The following ADARB2 variants were observed in gnomAD, a reference collection of about 807,000 sequenced individuals.
ADARB2 encodes adenosine deaminase RNA specific B2 (inactive), also known as inactive double-stranded RNA-specific editase B2.
ADARB2 carries 25 observed loss-of-function variants against 62.2 expected under a neutral mutation model. That is an observed-to-expected ratio of 0.40 (90% CI 0.29 to 0.56). The LOEUF (loss-of-function observed/expected upper bound fraction) is 0.56. Among genes scored for constraint, ADARB2 ranks in the 20% least tolerant of loss-of-function variants. ADARB2 has a pLI of 0.43. For missense variants in ADARB2, 1,071 were observed against 1,077.4 expected (o/e 0.99, Z 0.08); for synonymous variants, 572 against 500.8 (o/e 1.14, Z -1.90).
chr10:1,322,547 T>C (rs1042303499), intron 3 of ADARB2, among the ~76,000 whole-genome samples: 2 of 152,108 alleles, frequency 1.3e-5, no homozygotes. Flanking sequence ...AGGCTAATAT[T>C]GAGGAAGGAG....
chr10:1,620,721 A>T (rs1833694634), intron 1 of ADARB2, among the ~76,000 whole-genome samples: 1 of 152,262 alleles, frequency 6.6e-6, no homozygotes, highest in Non-Finnish European at 1.5e-5. Context: ...TTAACACAAC[A>T]TCACCTAACT....
intron 1 of ADARB2, among the ~76,000 whole-genome samples, chr10:1,491,271 C>T (rs915855337): frequency 2.0e-5 from 3 of 151,790 alleles, no homozygotes; most frequent in Admixed American, 6.6e-5. Context: ...GGTTGTGCCA[C>T]GTTGCCCAGG....
At chr10:1,562,548 C>A (rs571740764) in intron 1 of ADARB2, among the ~76,000 whole-genome samples, 1 of 152,208 alleles carries the variant, frequency 6.6e-6, no homozygotes, top group Non-Finnish European at 1.5e-5. Context: ...ATGCCAGTTA[C>A]GATCTGTAAT....
At chr10:1,608,665 G>A (rs1020977128) in intron 1 of ADARB2, among the ~76,000 whole-genome samples, 1 of 148,144 alleles carries the variant, frequency 6.8e-6, no homozygotes, top group African/African-American at 2.5e-5. Context: ...GGACGAGAAG[G>A]AAGAAAAAAT....
chr10:1,706,528 C>A (rs1834891956), intron 1 of ADARB2, among the ~76,000 whole-genome samples: 1 of 152,232 alleles, frequency 6.6e-6, no homozygotes, highest in Admixed American at 6.5e-5. Context: ...CTCAAGGCAA[C>A]AAATCCAAAT....
intron 1 of ADARB2, among the ~76,000 whole-genome samples, chr10:1,662,665 G>A (rs1439997358): frequency 6.6e-6 from 1 of 152,166 alleles, no homozygotes; most frequent in Non-Finnish European, 1.5e-5. Context: ...AGTGAACTAC[G>A]GCCCCTCGAA....
intron 6 of ADARB2, 88 bp downstream of exon 6, chr10:1,233,606 C>T: frequency 4.3e-6 from 6 of 1,385,220 alleles, no homozygotes; most frequent in South Asian, 1.7e-5. Context: ...CGCGCCCCTG[C>T]CCTGGGCTGT....
intron 1 of ADARB2, among the ~76,000 whole-genome samples, chr10:1,521,505 T>G (rs578070111): frequency 6.6e-6 from 1 of 152,242 alleles, no homozygotes; most frequent in African/African-American, 2.4e-5. Context: ...TGAGGCAATG[T>G]TGGGAAGTCG....
chr10:1,281,521 T>G (rs60483145), intron 3 of ADARB2, among the ~76,000 whole-genome samples: 2,661 of 152,332 alleles, frequency 0.017, 81 homozygotes, highest in African/African-American at 0.061. Context: ...AGCACTTGTT[T>G]CTGAGAATCT....
chr10:1,545,472 C>CA (rs911163344), intron 1 of ADARB2, among the ~76,000 whole-genome samples: 1 of 152,176 alleles, frequency 6.6e-6, no homozygotes, highest in South Asian at 2.1e-4. Context: ...TCCTTGTACA[C>CA]AAAGTTAGAA....
chr10:1,607,718 G>C (rs1024665122), intron 1 of ADARB2, among the ~76,000 whole-genome samples: 3 of 152,192 alleles, frequency 2.0e-5, no homozygotes, highest in Non-Finnish European at 4.4e-5. Context: ...CTCCAGGCAG[G>C]GGACGTCACA....
At chr10:1,304,301 G>A (rs1831605060) in intron 3 of ADARB2, among the ~76,000 whole-genome samples, 1 of 151,362 alleles carries the variant, frequency 6.6e-6, no homozygotes, top group Non-Finnish European at 1.5e-5. Flanking sequence ...ATGGTAAAGG[G>A]ATCAATTCAA....
chr10:1,406,096 G>C (rs1406589049), intron 1 of ADARB2, among the ~76,000 whole-genome samples: 1 of 152,228 alleles, frequency 6.6e-6, no homozygotes, highest in African/African-American at 2.4e-5. Flanking sequence ...TTCACCTGTA[G>C]ACTTGGGCTA....
intron 1 of ADARB2, among the ~76,000 whole-genome samples, chr10:1,576,199 T>TC (rs1833019021): frequency 8.1e-6 from 1 of 123,358 alleles, no homozygotes; most frequent in East Asian, 2.5e-4. Flanking sequence ...TCAGGGTCAC[T>TC]GGAGGAGCTC....
chr10:1,271,392 G>A (rs1831261274), intron 3 of ADARB2, among the ~76,000 whole-genome samples: 1 of 152,220 alleles, frequency 6.6e-6, no homozygotes, highest in Non-Finnish European at 1.5e-5. Flanking sequence ...GACTGGAGGA[G>A]TCTTTCGGCG....
chr10:1,341,314 T>C (rs566397201), intron 3 of ADARB2, among the ~76,000 whole-genome samples: 1,264 of 65,896 alleles, frequency 0.019, 23 homozygotes, highest in African/African-American at 0.056. Context: ...TGCCCCACAG[T>C]GGCAATAACC....
intron 7 of ADARB2, among the ~76,000 whole-genome samples, chr10:1,209,833 G>A (rs528965890): frequency 4.5e-4 from 68 of 152,246 alleles, no homozygotes; most frequent in Non-Finnish European, 9.0e-4. Flanking sequence ...AGCCCACACA[G>A]AGGACGGAGG....
intron 1 of ADARB2, among the ~76,000 whole-genome samples, chr10:1,474,218 G>C (rs1338985304): frequency 6.6e-6 from 1 of 152,218 alleles, no homozygotes; most frequent in East Asian, 1.9e-4. Flanking sequence ...TGGACACCCT[G>C]CTCCTTCCTC....
At chr10:1,276,867 C>T (rs1317094093) in intron 3 of ADARB2, among the ~76,000 whole-genome samples, 1 of 152,158 alleles carries the variant, frequency 6.6e-6, no homozygotes, top group Non-Finnish European at 1.5e-5. Flanking sequence ...TAAAGCACTC[C>T]TCAGCAAATG....
Sources: gnomAD v4.1 joint callset for allele counts (sites outside exome capture counted in the v4.1 genomes callset) on GRCh38, gnomAD v4.1.1 for gene constraint, MANE v1.5 for transcripts, NCBI Gene and HGNC (gene_info 2026-07-23, HGNC 2026-07-21) for gene names.